PIK3R3: variants seen among roughly 807,000 people sequenced by gnomAD.
The protein encoded by PIK3R3 is phosphoinositide-3-kinase regulatory subunit 3.
Under a neutral mutation model 62.9 loss-of-function variants are expected in PIK3R3, and 64 were observed. That is an observed-to-expected ratio of 1.02 (90% CI 0.83 to 1.25). The LOEUF is 1.25. Among genes scored for constraint, PIK3R3 ranks in the 50% most tolerant of loss-of-function variants. The pLI is 0.00. For synonymous variants in PIK3R3, 165 were observed against 189.0 expected, an observed-to-expected ratio of 0.87 and a Z score of 1.04; for missense variants, 614 against 561.6, an observed-to-expected ratio of 1.09 and a Z score of -0.94.
At chr1:46,071,437 T>C (rs1649468597) in intron 3 of PIK3R3, among the ~76,000 whole-genome samples, 1 of 151,760 alleles carries the variant, frequency 6.6e-6, no homozygotes, top group Non-Finnish European at 1.5e-5. Context: ...AGCTCACGCC[T>C]ATAATCCCAG....
chr1:46,133,736 C>T (rs1283825689), upstream of PIK3R3, among the ~76,000 whole-genome samples: 3 of 152,054 alleles, frequency 2.0e-5, no homozygotes, highest in Non-Finnish European at 4.4e-5. Flanking sequence ...GACTTTTGAA[C>T]CCAGAGGTAA....
chr1:46,072,629 T>A (rs1348768019), intron 3 of PIK3R3, among the ~76,000 whole-genome samples: 3 of 152,196 alleles, frequency 2.0e-5, no homozygotes, highest in Non-Finnish European at 4.4e-5. Flanking sequence ...ATTTTCCAGA[T>A]AAATAAGAAG....
intron 1 of PIK3R3, among the ~76,000 whole-genome samples, chr1:46,112,478 A>G (rs1653827200): frequency 6.6e-6 from 1 of 152,188 alleles, no homozygotes; most frequent in Non-Finnish European, 1.5e-5. Context: ...GAGCTATTTT[A>G]CTATATATTG....
chr1:46,169,577 C>T, the PIK3R3 span, among the ~76,000 whole-genome samples: 1 of 152,088 alleles, frequency 6.6e-6, no homozygotes, highest in East Asian at 1.9e-4. Context: ...AGATTTGAGG[C>T]CCAGAGATGG....
intron 1 of PIK3R3, chr1:46,104,950 AC>A: frequency 8.6e-5 from 45 of 524,688 alleles, no homozygotes; most frequent in Middle Eastern, 5.3e-4. Flanking sequence ...AAAAAAAAAA[AC>A]ACACACTAAG....
intron 5 of PIK3R3, among the ~76,000 whole-genome samples, chr1:46,064,870 T>C (rs1394894357): frequency 6.6e-6 from 1 of 151,880 alleles, no homozygotes; most frequent in Non-Finnish European, 1.5e-5. Context: ...CTTAAGAAGC[T>C]AGGAAAAGAG....
chr1:46,058,085 G>C (rs1648109300), intron 6 of PIK3R3, among the ~76,000 whole-genome samples: 1 of 152,218 alleles, frequency 6.6e-6, no homozygotes, highest in South Asian at 2.1e-4. Context: ...CTGCGTCCTA[G>C]CCACTCCAGC....
chr1:46,108,185 C>A (rs1653391593), intron 1 of PIK3R3, among the ~76,000 whole-genome samples: 2 of 152,106 alleles, frequency 1.3e-5, no homozygotes, highest in Admixed American at 1.3e-4. Flanking sequence ...AAAATAAGTA[C>A]TTTTATAAAC....
At chr1:46,075,903 C>A (rs1446736990) in intron 3 of PIK3R3, among the ~76,000 whole-genome samples, 1 of 152,164 alleles carries the variant, frequency 6.6e-6, no homozygotes, top group Non-Finnish European at 1.5e-5. Flanking sequence ...CCTTGAGAAC[C>A]CATAGGGGGT....
intron 7 of PIK3R3, among the ~76,000 whole-genome samples, chr1:46,049,882 G>A (rs1369238164): frequency 1.3e-5 from 2 of 152,300 alleles, no homozygotes; most frequent in East Asian, 1.9e-4. Flanking sequence ...CACTTTGGGA[G>A]GCCAAGGCAG....
At chr1:46,098,472 A>G (rs1652351526) in intron 1 of PIK3R3, among the ~76,000 whole-genome samples, 1 of 152,254 alleles carries the variant, frequency 6.6e-6, no homozygotes, top group Non-Finnish European at 1.5e-5. Flanking sequence ...GGTGAATGGG[A>G]AAACAAATAT....
At chr1:46,073,296 A>C (rs1205127304) in intron 3 of PIK3R3, among the ~76,000 whole-genome samples, 2 of 152,090 alleles carry the variant, frequency 1.3e-5, no homozygotes, top group Non-Finnish European at 2.9e-5. Context: ...AGTTATTCCC[A>C]TTGCATTTAA....
chr1:46,132,205 G>A lies in PIK3R3; in HGVS notation c.-253C>T. The A allele has an allele frequency of 1.6e-6, 2 of 1,248,502 alleles. No homozygotes were observed. Among genetic ancestry groups the A allele is most frequent in the Non-Finnish European group, 2.0e-6 (2 of 988,648 alleles). The allele number at this position is 1,248,502 out of a possible 1,614,324, so 77.3% of individuals were successfully genotyped here. ...CTCAGAGGATTACACAGAGGCTTGG[G>A]GGACGGAGAGCAGAGGTGTTAAAAA... On this transcript the variant is annotated 5_prime_UTR_variant, in exon 1 of 10. Transcript: ENST00000262741.
At chr1:46,072,077 G>A (rs1649591254) in intron 3 of PIK3R3, among the ~76,000 whole-genome samples, 1 of 152,060 alleles carries the variant, frequency 6.6e-6, no homozygotes, top group African/African-American at 2.4e-5. Flanking sequence ...TTCTGCAAAT[G>A]TAATCTCTTC....
rs368006440 is a variant in PIK3R3 at position 46,066,985 on chromosome 1, G to T, written c.421C>A (p.His141Asn). The T allele has an allele frequency of 6.3e-5, 101 of 1,611,070 alleles. No individual in the cohort carries two copies. The Middle Eastern group carries it at 2.0e-3, about 32-fold the overall frequency. The change falls in exon 4 of 10, where the codon CAC becomes AAC. Residue 141 changes from histidine to asparagine, a missense_variant. Physicochemically the swap from His to Asn is moderately conservative, Grantham distance 68 (BLOSUM62 1). Coordinates refer to ENST00000262741, the MANE Select transcript of PIK3R3 (RefSeq NM_003629.4). ...TTGTACTGAGCAAGAGATTCATGGT[G>T]ATAGTGGTTAATGAGCTCCACCACG... ...NSVVELINHY[H>N]HESLAQYNPK...
chr1:46,055,135 T>A (rs1227770718), intron 7 of PIK3R3, among the ~76,000 whole-genome samples: 2 of 76,394 alleles, frequency 2.6e-5, no homozygotes, highest in African/African-American at 1.2e-4. Flanking sequence ...CCAGATGGAG[T>A]CTCACTCTGT....
At chr1:46,125,240 T>C (rs115079331) in intron 1 of PIK3R3, among the ~76,000 whole-genome samples, 1,796 of 152,270 alleles carry the variant, frequency 0.012, 28 homozygotes, top group African/African-American at 0.038. Context: ...TACATTATAA[T>C]ATATTAAATG....
At chr1:46,174,420 G>A in the PIK3R3 span, among the ~76,000 whole-genome samples, 3 of 152,060 alleles carry the variant, frequency 2.0e-5, no homozygotes, top group African/African-American at 7.3e-5. Context: ...GCAAGAGTTG[G>A]GGTAGATAGA....
chr1:46,156,145 T>A, the PIK3R3 span, among the ~76,000 whole-genome samples: 1 of 152,130 alleles, frequency 6.6e-6, no homozygotes. Flanking sequence ...GGCATACACA[T>A]TTCTATAAAT....
Sources: gnomAD v4.1 joint callset for allele counts (sites outside exome capture counted in the v4.1 genomes callset) on GRCh38, gnomAD v4.1.1 for gene constraint, MANE v1.5 for transcripts, NCBI Gene and HGNC (gene_info 2026-07-23, HGNC 2026-07-21) for gene names.